Variants in AP3S1 observed in about 807,000 individuals in gnomAD.
The protein encoded by AP3S1 is AP-3 complex subunit sigma-1.
A neutral mutation model predicts 21.3 loss-of-function variants in AP3S1; 12 were observed. The ratio of observed to expected loss-of-function variants is 0.56; its 90% CI spans 0.36 to 0.91. The LOEUF is 0.91. Ranked by LOEUF, AP3S1 falls within the 40% of genes least tolerant of loss-of-function variation. AP3S1 has a pLI of 0.01. For missense variants in AP3S1, 116 were observed against 225.0 expected, an observed-to-expected ratio of 0.52 and a Z score of 3.10; for synonymous variants, 48 against 78.4, an observed-to-expected ratio of 0.61 and a Z score of 2.05.
intron 1 of AP3S1, among the ~76,000 whole-genome samples, chr5:115,856,281 A>G (rs569645479): frequency 5.3e-4 from 81 of 152,290 alleles, no homozygotes; most frequent in African/African-American, 1.8e-3. Flanking sequence ...GTTTGATTAA[A>G]ATTTTAAGGC....
At chr5:115,847,515 G>A (rs1221177767) in intron 1 of AP3S1, among the ~76,000 whole-genome samples, 4 of 151,694 alleles carry the variant, frequency 2.6e-5, no homozygotes, top group Non-Finnish European at 5.9e-5. Flanking sequence ...AGCTGCTTAG[G>A]TGGCTGAGGT....
chr5:115,845,537 A>T lies in AP3S1; in HGVS notation c.69+3431A>T, dbSNP rs1179171188. ...GTTCATTCTGCTAGAGTCAGACATT[A>T]CGAATTCAAGTGTGGGCTGGGTGCC... On this transcript the variant is annotated intron_variant, in intron 1 of 5. Transcript: ENST00000316788. Among the ~76,000 whole-genome samples the T allele has an allele frequency of 5.9e-5, 9 of 152,240 alleles. No homozygotes were observed. In the South Asian group the frequency reaches 1.5e-3, roughly 25 times the overall value.
Position 115,842,065 on chromosome 5 carries a change from A to C in AP3S1, c.28A>C (p.Asn10His). 6.3e-7 allele frequency: 1 copy of C among 1,588,120 alleles called. No individual in the cohort carries two copies. The highest frequency in any genetic ancestry group is 8.6e-7 in the Non-Finnish European group (1 of 1,168,482). Residue 10 changes from asparagine to histidine, a missense_variant, in exon 1 of 6, where the codon AAC (asparagine) becomes CAC (histidine). Transcript: ENST00000316788. MIKAILIFN[N>H]HGKPRLSKFY... ...GATCAAGGCGATCCTAATCTTCAAC[A>C]ACCACGGGAAGCCGCGGCTCTCCAA...
intron 4 of AP3S1, among the ~76,000 whole-genome samples, chr5:115,899,143 C>A (rs1006553841): frequency 6.6e-6 from 1 of 152,164 alleles, no homozygotes; most frequent in South Asian, 2.1e-4. Flanking sequence ...GTCTTTCATA[C>A]CCTTGAGGCT....
intron 1 of AP3S1, among the ~76,000 whole-genome samples, chr5:115,865,667 A>G (rs1034660438): frequency 3.3e-5 from 5 of 151,946 alleles, no homozygotes; most frequent in Non-Finnish European, 5.9e-5. Context: ...TCATTGTTTT[A>G]ATTTGTATTT....
intron 1 of AP3S1, among the ~76,000 whole-genome samples, chr5:115,854,075 G>C (rs544265477): frequency 1.3e-5 from 2 of 152,142 alleles, no homozygotes; most frequent in Non-Finnish European, 2.9e-5. Flanking sequence ...CATGGTGAAA[G>C]GCATCACATG....
At chr5:115,860,507 T>G (rs1356410876) in intron 1 of AP3S1, among the ~76,000 whole-genome samples, 18 of 152,210 alleles carry the variant, frequency 1.2e-4, no homozygotes, top group Admixed American at 1.2e-3. Context: ...TTAGTGATCC[T>G]TCTGCTTTTC....
chr5:115,904,587 A>G (rs910674147), intron 5 of AP3S1, among the ~76,000 whole-genome samples: 1 of 152,208 alleles, frequency 6.6e-6, no homozygotes, highest in African/African-American at 2.4e-5. Flanking sequence ...TGTTTGTCCT[A>G]TAGCCAATTT....
chr5:115,856,236 C>A (rs995878554), intron 1 of AP3S1, among the ~76,000 whole-genome samples: 6 of 152,118 alleles, frequency 3.9e-5, no homozygotes, highest in African/African-American at 1.4e-4. Flanking sequence ...TTTATGTCAG[C>A]AGATACTTAT....
At chr5:115,893,514 T>C (rs1485610560) in intron 3 of AP3S1, among the ~76,000 whole-genome samples, 1 of 152,206 alleles carries the variant, frequency 6.6e-6, no homozygotes, top group Non-Finnish European at 1.5e-5. Context: ...GAAGTCAAAG[T>C]TAGGCATGGA....
chr5:115,863,962 C>T (rs542159853), intron 1 of AP3S1, among the ~76,000 whole-genome samples: 1 of 152,082 alleles, frequency 6.6e-6, no homozygotes, highest in Non-Finnish European at 1.5e-5. Context: ...AAGATGTCTG[C>T]CTGAACAGAT....
rs1270462271 is a variant in AP3S1, at chr5:115,841,983, G to GCGCGCC, written c.-51_-46dup. On this transcript the variant is annotated 5_prime_UTR_variant, in exon 1 of 6. Coordinates refer to ENST00000316788, the MANE Select transcript of AP3S1 (RefSeq NM_001284.4). ...CAGGCGAGATTACGAGGCGAGGCTC[G>GCGCGCC]CGCGCCCGCCCCCGCCCTGGCCCCC... 1.3e-5 allele frequency: 20 copies of GCGCGCC among 1,534,690 alleles called. No individual in the cohort carries two copies. In the African/African-American group the frequency reaches 2.1e-4, roughly 16 times the overall value.
rs1366429723 is a variant in AP3S1 at position 115,905,035 on chromosome 5, G to T, written c.453+2043G>T. On this transcript the variant is annotated intron_variant, in intron 5 of 5. Transcript: ENST00000316788. ...CTGCTACTTAAGACATTTATGCCTGGTGTTCCATTATTGGAATGCTAAGCT... is the reference window on the plus strand; with the variant it reads ...CTGCTACTTAAGACATTTATGCCTGTTGTTCCATTATTGGAATGCTAAGCT... Among the ~76,000 whole-genome samples the T allele has an allele frequency of 7.2e-5, 11 of 152,198 alleles. No homozygotes were observed. The East Asian group carries it at 2.1e-3, about 29-fold the overall frequency.
At chr5:115,890,616 C>G (rs1215090751) in intron 3 of AP3S1, among the ~76,000 whole-genome samples, 1 of 152,100 alleles carries the variant, frequency 6.6e-6, no homozygotes, top group Non-Finnish European at 1.5e-5. Flanking sequence ...TTGTACTTTT[C>G]TATGTGTATG....
chr5:115,852,081 C>G (rs575235205), intron 1 of AP3S1, among the ~76,000 whole-genome samples: 1 of 152,158 alleles, frequency 6.6e-6, no homozygotes, highest in African/African-American at 2.4e-5. Context: ...TTGTTACTTT[C>G]TACTTCTAAG....
chr5:115,850,052 T>A (rs1762329079), intron 1 of AP3S1, among the ~76,000 whole-genome samples: 1 of 152,188 alleles, frequency 6.6e-6, no homozygotes, highest in East Asian at 1.9e-4. Flanking sequence ...TTGTCTTAAT[T>A]ATATGTGAAT....
chr5:115,854,295 G>C (rs1276610078), intron 1 of AP3S1, among the ~76,000 whole-genome samples: 4 of 152,138 alleles, frequency 2.6e-5, no homozygotes, highest in Non-Finnish European at 5.9e-5. Flanking sequence ...GTTGATGGTG[G>C]TTTAGGGCGT....
intron 3 of AP3S1, among the ~76,000 whole-genome samples, chr5:115,894,609 G>T (rs1383148443): frequency 2.0e-5 from 3 of 152,178 alleles, no homozygotes; most frequent in Admixed American, 2.0e-4. Context: ...TTGGACCCAG[G>T]TAAGTCTGAT....
intron 3 of AP3S1, among the ~76,000 whole-genome samples, chr5:115,886,397 C>G (rs1009269316): frequency 4.0e-5 from 6 of 151,854 alleles, no homozygotes; most frequent in Admixed American, 3.9e-4. Flanking sequence ...GCAAAACCAA[C>G]CCCTCATCTT....
Sources: allele counts gnomAD v4.1 joint callset (sites outside exome capture counted in the v4.1 genomes callset), GRCh38; gene constraint gnomAD v4.1.1; transcripts MANE v1.5; gene names NCBI Gene and HGNC (gene_info 2026-07-23, HGNC 2026-07-21).